EPHA6: variants seen among roughly 807,000 people sequenced by gnomAD.
EPHA6 encodes ephrin type-A receptor 6.
Under a neutral mutation model 112.0 loss-of-function variants are expected in EPHA6, and 50 were observed. The observed-to-expected ratio is 0.45, with a 90% CI of 0.36 to 0.56. The LOEUF (loss-of-function observed/expected upper bound fraction) is 0.56. EPHA6 is among the 20% of genes least tolerant of loss of function. The pLI is 0.00. For missense variants in EPHA6, 1,280 were observed against 1,417.4 expected (o/e 0.90, Z 1.56); for synonymous variants, 529 against 490.7 (o/e 1.08, Z -1.03).
intron 7 of EPHA6, among the ~76,000 whole-genome samples, chr3:97,469,868 G>T (rs559163787): frequency 1.3e-5 from 2 of 151,648 alleles, no homozygotes; most frequent in Non-Finnish European, 3.0e-5. Context: ...GATGAAACTA[G>T]TCTACTCCTG....
intron 3 of EPHA6, among the ~76,000 whole-genome samples, chr3:97,076,087 C>G (rs529405685): frequency 6.6e-6 from 1 of 152,042 alleles, no homozygotes; most frequent in South Asian, 2.1e-4. Context: ...TTCAAATGTT[C>G]AAGTGAAAGG....
At chr3:97,637,216 T>C (rs1171380655) in intron 13 of EPHA6, among the ~76,000 whole-genome samples, 1 of 152,208 alleles carries the variant, frequency 6.6e-6, no homozygotes, top group Non-Finnish European at 1.5e-5. Context: ...AATTTAATCC[T>C]TCCAATCAGG....
chr3:97,368,935 G>A (rs902072716), intron 5 of EPHA6, among the ~76,000 whole-genome samples: 1 of 152,122 alleles, frequency 6.6e-6, no homozygotes, highest in African/African-American at 2.4e-5. Flanking sequence ...TGGTTGCTAT[G>A]ACATATAGGT....
intron 2 of EPHA6, among the ~76,000 whole-genome samples, chr3:96,933,352 G>A (rs1278342895): frequency 6.6e-6 from 1 of 152,066 alleles, no homozygotes; most frequent in East Asian, 1.9e-4. Context: ...TTTAATTATT[G>A]TATTTCCAAG....
intron 12 of EPHA6, 49 bp downstream of exon 12, chr3:97,592,786 T>C (rs754718966): frequency 1.3e-6 from 2 of 1,505,626 alleles, no homozygotes; most frequent in Non-Finnish European, 1.8e-6. Context: ...GCAGTAGGAT[T>C]GTGCTCATAG....
intron 11 of EPHA6, among the ~76,000 whole-genome samples, chr3:97,580,831 T>A (rs1015220403): frequency 1.3e-5 from 2 of 152,214 alleles, no homozygotes; most frequent in Non-Finnish European, 2.9e-5. Context: ...CACTAAAAGT[T>A]AGAAGTTACT....
chr3:97,546,857 C>T (rs148611329), intron 11 of EPHA6, among the ~76,000 whole-genome samples: 35 of 152,308 alleles, frequency 2.3e-4, no homozygotes, highest in African/African-American at 7.9e-4. Flanking sequence ...TTGATCACAG[C>T]GGCTACTGAA....
At chr3:96,899,064 C>T in intron 2 of EPHA6, among the ~76,000 whole-genome samples, 1 of 148,366 alleles carries the variant, frequency 6.7e-6, no homozygotes, top group Non-Finnish European at 1.5e-5. Context: ...AAAAAAAAAA[C>T]AGGAATTTAT....
At chr3:97,665,929 T>C (rs1384206454) in intron 14 of EPHA6, among the ~76,000 whole-genome samples, 2 of 152,036 alleles carry the variant, frequency 1.3e-5, no homozygotes, top group Admixed American at 1.3e-4. Flanking sequence ...TGAGAGTGTG[T>C]GCCTGTAATC....
At chr3:96,980,936 T>G (rs1184004881) in intron 2 of EPHA6, among the ~76,000 whole-genome samples, 1 of 152,216 alleles carries the variant, frequency 6.6e-6, no homozygotes, top group Non-Finnish European at 1.5e-5. Flanking sequence ...CTTATCAGCT[T>G]AAGGAGATTT....
At chr3:96,998,260 T>G (rs1206758894) in intron 3 of EPHA6, among the ~76,000 whole-genome samples, 1 of 151,928 alleles carries the variant, frequency 6.6e-6, no homozygotes, top group Non-Finnish European at 1.5e-5. Flanking sequence ...CCTTTTCATG[T>G]GAATTCTGCC....
At chr3:97,055,032 A>C (rs1219463774) in intron 3 of EPHA6, among the ~76,000 whole-genome samples, 3 of 152,120 alleles carry the variant, frequency 2.0e-5, no homozygotes, top group African/African-American at 7.2e-5. Context: ...TGGAATGGGA[A>C]CTGGGCCAAC....
chr3:96,901,945 G>A (rs1022765374), intron 2 of EPHA6, among the ~76,000 whole-genome samples: 9 of 152,082 alleles, frequency 5.9e-5, no homozygotes, highest in Admixed American at 5.2e-4. Context: ...TTTCCTGAAG[G>A]TACTTTTTAA....
intron 6 of EPHA6, among the ~76,000 whole-genome samples, chr3:97,414,043 C>T (rs2087928610): frequency 6.6e-6 from 1 of 151,952 alleles, no homozygotes; most frequent in Non-Finnish European, 1.5e-5. Flanking sequence ...CAAGTACAAA[C>T]ATACTTACCA....
intron 5 of EPHA6, among the ~76,000 whole-genome samples, chr3:97,392,076 T>C (rs1178845504): frequency 6.6e-6 from 1 of 151,926 alleles, no homozygotes; most frequent in Non-Finnish European, 1.5e-5. Context: ...TGTCTTCACG[T>C]AAATTGAAGA....
Position 97,563,820 on chromosome 3 carries a change from A to G in EPHA6, c.2387-28792A>G, listed in dbSNP as rs1368081346. Among the ~76,000 whole-genome samples, 11 of 152,318 alleles carry G rather than the reference A, an allele frequency of 7.2e-5. No homozygotes were observed. In the East Asian group the frequency reaches 2.1e-3, roughly 29 times the overall value. Reference sequence around the variant, plus strand: ...GTACTTCCTTCTCTACAAATTAATTATAATAATGTTTTTCAACAAATAATG... The same window carrying G: ...GTACTTCCTTCTCTACAAATTAATTGTAATAATGTTTTTCAACAAATAATG... On this transcript the variant is annotated intron_variant, in intron 11 of 17. Coordinates refer to ENST00000389672, the MANE Select transcript of EPHA6 (RefSeq NM_001080448.3).
At chr3:96,888,709 T>G (rs1472735283) in intron 2 of EPHA6, among the ~76,000 whole-genome samples, 2 of 152,150 alleles carry the variant, frequency 1.3e-5, no homozygotes, top group Admixed American at 1.3e-4. Flanking sequence ...TCTAGGCCTC[T>G]GGGCCTGTGA....
chr3:97,658,315 A>G (rs1027431268), intron 14 of EPHA6, among the ~76,000 whole-genome samples: 1 of 151,748 alleles, frequency 6.6e-6, no homozygotes, highest in African/African-American at 2.4e-5. Flanking sequence ...TGTATCCATG[A>G]CAATTATTTG....
intron 14 of EPHA6, among the ~76,000 whole-genome samples, chr3:97,676,276 A>G (rs1471248408): frequency 6.6e-6 from 1 of 152,108 alleles, no homozygotes; most frequent in Non-Finnish European, 1.5e-5. Context: ...GGAATTACCA[A>G]AGAGGTAGAA....
Sources: allele counts gnomAD v4.1 joint callset (sites outside exome capture counted in the v4.1 genomes callset), GRCh38; gene constraint gnomAD v4.1.1; transcripts MANE v1.5; gene names NCBI Gene and HGNC (gene_info 2026-07-23, HGNC 2026-07-21).